The following TENM4 variants were observed in gnomAD, a reference collection of about 807,000 sequenced individuals.
TENM4 encodes teneurin transmembrane protein 4, also known as teneurin-4.
In TENM4, 82 loss-of-function variants were observed where a neutral mutation model predicts 243.3. The observed-to-expected ratio is 0.34, with a 90% CI of 0.28 to 0.40. The LOEUF (loss-of-function observed/expected upper bound fraction) is 0.40. Ranked by LOEUF, TENM4 falls within the 10% of genes least tolerant of loss-of-function variation. The pLI, the probability that TENM4 is intolerant of heterozygous loss-of-function variation, is 1.00. For synonymous variants in TENM4, 1,412 were observed against 1,456.3 expected (o/e 0.97, Z 0.69); for missense variants, 3,138 against 3,673.3 (o/e 0.85, Z 3.77).
intron 12 of TENM4, among the ~76,000 whole-genome samples, chr11:78,849,921 G>T (rs1464432660): frequency 6.6e-6 from 1 of 152,150 alleles, no homozygotes; most frequent in African/African-American, 2.4e-5. Flanking sequence ...ACATTCTGGG[G>T]TCAGCTAGGC....
intron 2 of TENM4, among the ~76,000 whole-genome samples, chr11:79,242,622 A>G (rs988837756): frequency 7.9e-5 from 12 of 152,224 alleles, no homozygotes; most frequent in African/African-American, 1.2e-4. Context: ...AGCTCTATAA[A>G]CATCATTTTT....
chr11:79,246,804 G>A (rs1296826551), intron 2 of TENM4, among the ~76,000 whole-genome samples: 1 of 152,146 alleles, frequency 6.6e-6, no homozygotes, highest in African/African-American at 2.4e-5. Context: ...GTTACTACGA[G>A]GTGGAGGTGA....
intron 3 of TENM4, among the ~76,000 whole-genome samples, chr11:79,204,295 A>G (rs139214729): frequency 4.6e-5 from 7 of 152,354 alleles, no homozygotes; most frequent in African/African-American, 1.4e-4. Flanking sequence ...TAAAGCTGCT[A>G]TTTTTAGAAA....
intron 15 of TENM4, among the ~76,000 whole-genome samples, chr11:78,794,525 C>T (rs1857123413): frequency 6.6e-6 from 1 of 152,214 alleles, no homozygotes. Flanking sequence ...ACAAGAACTG[C>T]AGCTGGGAGG....
At chr11:79,375,172 T>G (rs765043579) in intron 1 of TENM4, among the ~76,000 whole-genome samples, 3 of 152,226 alleles carry the variant, frequency 2.0e-5, no homozygotes, top group Non-Finnish European at 4.4e-5. Flanking sequence ...TCCAATTCAT[T>G]CCTAGTGAGC....
chr11:78,658,962 C>T, intron 33 of TENM4, 146 bp from the exon 34 acceptor site: 2 of 928,144 alleles, frequency 2.2e-6, no homozygotes, highest in Non-Finnish European at 3.2e-6. Context: ...ACCAGAACAT[C>T]CAGGTGGTCG....
chr11:78,946,961 C>T (rs1451154497), intron 6 of TENM4, among the ~76,000 whole-genome samples: 1 of 152,152 alleles, frequency 6.6e-6, no homozygotes, highest in African/African-American at 2.4e-5. Context: ...GATGAAGATG[C>T]TGTGAACATT....
chr11:78,658,573 T>A lies in TENM4; in HGVS notation c.7795A>T (p.Asn2599Tyr), dbSNP rs1857956669. Residue 2599 changes from asparagine to tyrosine, a missense_variant, in exon 34 of 34, where the codon AAC (asparagine) becomes TAC (tyrosine). Asn to Tyr is a moderately radical substitution (Grantham distance 143). Coordinates refer to ENST00000278550, the MANE Select transcript of TENM4 (RefSeq NM_001098816.3). ...EDGRRVAAIL[N>Y]HAHYLENLHF... ...AGGTTCTCTAGGTAGTGGGCATGGTTCAAGATGGCAGCAACCCTTCGCCCA... is the reference window on the plus strand; with the variant it reads ...AGGTTCTCTAGGTAGTGGGCATGGTACAAGATGGCAGCAACCCTTCGCCCA... 8 of 1,614,006 alleles carry A rather than the reference T, an allele frequency of 5.0e-6. No homozygotes were observed. The highest frequency in any genetic ancestry group is 6.8e-6 in the Non-Finnish European group (8 of 1,179,898).
At chr11:78,976,408 A>G (rs1857655298) in intron 6 of TENM4, among the ~76,000 whole-genome samples, 1 of 152,048 alleles carries the variant, frequency 6.6e-6, no homozygotes. Flanking sequence ...ATTTCAATAA[A>G]AAGTTTAAAA....
At chr11:78,984,930 C>A (rs1857884857) in intron 6 of TENM4, among the ~76,000 whole-genome samples, 1 of 152,116 alleles carries the variant, frequency 6.6e-6, no homozygotes, top group South Asian at 2.1e-4. Context: ...AGTTCTAGAC[C>A]ATTTCTGTTA....
At chr11:79,177,891 T>A (rs1390281860) in intron 3 of TENM4, among the ~76,000 whole-genome samples, 1 of 151,782 alleles carries the variant, frequency 6.6e-6, no homozygotes, top group African/African-American at 2.4e-5. Flanking sequence ...ATGACAGCAA[T>A]TTTAGCTTTT....
chr11:79,060,421 C>T (rs1339687648), intron 6 of TENM4, among the ~76,000 whole-genome samples: 3 of 152,242 alleles, frequency 2.0e-5, no homozygotes, highest in African/African-American at 7.2e-5. Context: ...CTGCATGCAG[C>T]ATCAGTGTGA....
intron 4 of TENM4, among the ~76,000 whole-genome samples, chr11:79,108,156 G>A (rs946881114): frequency 4.6e-5 from 7 of 152,206 alleles, no homozygotes; most frequent in Non-Finnish European, 8.8e-5. Flanking sequence ...ATGTGGCCAG[G>A]CCTTAGTGCC....
At chr11:79,157,249 C>A (rs1348905244) in intron 3 of TENM4, among the ~76,000 whole-genome samples, 2 of 152,084 alleles carry the variant, frequency 1.3e-5, no homozygotes, top group Non-Finnish European at 2.9e-5. Context: ...TCTCTCTGAG[C>A]CTCAGTTTCT....
intron 6 of TENM4, among the ~76,000 whole-genome samples, chr11:78,998,362 G>A (rs569680256): frequency 2.1e-3 from 324 of 152,308 alleles, no homozygotes; most frequent in Non-Finnish European, 3.6e-3. Context: ...TCACCTAGAC[G>A]TTGTTAGAAT....
chr11:79,145,170 C>G (rs1862374323), intron 4 of TENM4, among the ~76,000 whole-genome samples: 1 of 152,102 alleles, frequency 6.6e-6, no homozygotes, highest in Non-Finnish European at 1.5e-5. Flanking sequence ...ACTGAAGTTT[C>G]ACTTAATGAT....
rs575314683 is a variant in TENM4 at position 78,653,451 on chromosome 11, A to C, written c.*4607T>G. ...GTTAGAAACACAAAAGTGTTGAGAA[A>C]AAAACTTCTCAAAATTAGTTCCAGA... On this transcript the variant is annotated 3_prime_UTR_variant, in exon 34 of 34. Transcript: ENST00000278550. The C allele has an allele frequency of 6.6e-6, 1 of 152,368 alleles. No individual in the cohort carries two copies. Among genetic ancestry groups the C allele is most frequent in the South Asian group, 2.1e-4 (1 of 4,828 alleles). 9.4% of individuals were successfully genotyped at this position (152,368 alleles called of 1,614,324 possible). A position where few individuals can be genotyped will look rare whatever the true frequency, so the allele number is the denominator to read the frequency against.
chr11:78,757,749 G>A (rs181722158), intron 18 of TENM4, among the ~76,000 whole-genome samples: 1 of 152,338 alleles, frequency 6.6e-6, no homozygotes, highest in East Asian at 1.9e-4. Context: ...CCCAGCCTCA[G>A]TGTAAGCGTG....
At chr11:78,741,105 G>C (rs1855919744) in intron 19 of TENM4, among the ~76,000 whole-genome samples, 2 of 152,198 alleles carry the variant, frequency 1.3e-5, no homozygotes, top group South Asian at 4.1e-4. Context: ...GGAAAGCCCA[G>C]ATTAACATAA....
Sources: gnomAD v4.1 joint callset for allele counts (sites outside exome capture counted in the v4.1 genomes callset) on GRCh38, gnomAD v4.1.1 for gene constraint, MANE v1.5 for transcripts, NCBI Gene and HGNC (gene_info 2026-07-23, HGNC 2026-07-21) for gene names.